ERCC6L2: variants seen among roughly 807,000 people sequenced by gnomAD.
ERCC6L2 encodes ERCC excision repair 6 like 2.
In ERCC6L2, 77 loss-of-function variants were observed where a neutral mutation model predicts 132.0. That is an observed-to-expected ratio of 0.58 (90% CI 0.49 to 0.71). The LOEUF is 0.71. ERCC6L2 is among the 30% of genes least tolerant of loss of function. ERCC6L2 has a pLI of 0.00. For missense variants in ERCC6L2, 1,542 were observed against 1,837.6 expected (o/e 0.84, Z 2.94); for synonymous variants, 583 against 632.4 (o/e 0.92, Z 1.17).
chr9:96,018,741 A>G (rs190412101), downstream of ERCC6L2, among the ~76,000 whole-genome samples: 287 of 149,412 alleles, frequency 1.9e-3, no homozygotes, highest in Non-Finnish European at 2.6e-3. Context: ...TTGTTTTTCT[A>G]TTATATTTCA....
chr9:95,999,536 T>A (rs773378493), intron 17 of ERCC6L2, among the ~76,000 whole-genome samples: 44 of 152,332 alleles, frequency 2.9e-4, no homozygotes, highest in African/African-American at 1.0e-3. Context: ...ATGTGAGCTT[T>A]GCAGTGCTGC....
At chr9:96,027,730 C>G (rs1834400656) in intron 19 of ERCC6L2, 1 of 152,528 alleles carries the variant, frequency 6.6e-6, no homozygotes. Context: ...CTCCAAGGCC[C>G]CCGGCCGCTC....
rs1443724657 is a variant in ERCC6L2, at chr9:96,014,351, A to T, written c.*1148A>T. 1 of 152,246 alleles carries T rather than the reference A, an allele frequency of 6.6e-6. No individual in the cohort carries two copies. Among genetic ancestry groups the T allele is most frequent in the Non-Finnish European group, 1.5e-5 (1 of 68,048 alleles). 9.4% of individuals were successfully genotyped at this position (152,246 alleles called of 1,614,324 possible). A position where few individuals can be genotyped will look rare whatever the true frequency, so the allele number is the denominator to read the frequency against. On this transcript the variant is annotated 3_prime_UTR_variant, in exon 19 of 19. Transcript: ENST00000653738. ...GCTAAAGAGCACTGCTATCAAGTTG[A>T]GGAGAGAGGGCTTCCGTGTACTCAG... is the stretch of plus-strand genomic sequence containing the variant.
At chr9:95,906,436 T>C (rs1829039074) in intron 3 of ERCC6L2, among the ~76,000 whole-genome samples, 1 of 152,042 alleles carries the variant, frequency 6.6e-6, no homozygotes, top group Admixed American at 6.6e-5. Context: ...AGCCACTGTA[T>C]GAGGGGTTTT....
intron 16 of ERCC6L2, among the ~76,000 whole-genome samples, chr9:95,975,014 A>G (rs1203692083): frequency 2.0e-5 from 3 of 152,188 alleles, no homozygotes; most frequent in Non-Finnish European, 2.9e-5. Context: ...GCTTTATCCC[A>G]TATTACACAA....
chr9:96,021,166 C>A (rs1224563947), downstream of ERCC6L2: 3 of 361,118 alleles, frequency 8.3e-6, no homozygotes, highest in Non-Finnish European at 1.6e-5. This position sits in a 1 kb window ranked among gnomAD's most constrained non-coding sequence, Gnocchi z 4.7. Flanking sequence ...TGCGTCCGGG[C>A]AGAGGCGGCT....
intron 15 of ERCC6L2, 109 bp downstream of exon 15, chr9:95,970,765 A>C (rs1832378808): frequency 1.5e-6 from 1 of 681,064 alleles, no homozygotes; most frequent in African/African-American, 1.9e-5. Flanking sequence ...AAAAAAAATT[A>C]AGAGTCAAGG....
intron 3 of ERCC6L2, among the ~76,000 whole-genome samples, chr9:95,898,444 A>G (rs1351228736): frequency 6.6e-6 from 1 of 152,126 alleles, no homozygotes; most frequent in Non-Finnish European, 1.5e-5. Context: ...CCAATATAGG[A>G]AAGTTGGAAT....
chr9:95,943,421 C>G (rs1414653729), intron 12 of ERCC6L2, among the ~76,000 whole-genome samples: 2 of 151,880 alleles, frequency 1.3e-5, no homozygotes, highest in Non-Finnish European at 2.9e-5. Context: ...ATAATAATTA[C>G]CTGGTACAAT....
At chr9:95,960,183 A>G (rs1408685344) in intron 13 of ERCC6L2, among the ~76,000 whole-genome samples, 1 of 152,114 alleles carries the variant, frequency 6.6e-6, no homozygotes, top group Non-Finnish European at 1.5e-5. Flanking sequence ...TGCCCAGAAG[A>G]CTAATTACTT....
At chr9:95,937,275 C>CT (rs1830599806) in intron 11 of ERCC6L2, among the ~76,000 whole-genome samples, 1 of 152,156 alleles carries the variant, frequency 6.6e-6, no homozygotes, top group Non-Finnish European at 1.5e-5. Flanking sequence ...TGCATTTTCA[C>CT]TAACATTTGC....
At chr9:95,951,161 C>T (rs10819650) in intron 12 of ERCC6L2, among the ~76,000 whole-genome samples, 40,768 of 151,782 alleles carry the variant, frequency 0.27, 5,978 homozygotes, top group East Asian at 0.4. Context: ...AAATCAACAG[C>T]GGAAGAAAAA....
Position 96,013,457 on chromosome 9 carries a change from A to T in ERCC6L2, c.*254A>T, listed in dbSNP as rs980905330. On this transcript the variant is annotated 3_prime_UTR_variant, in exon 19 of 19. Coordinates refer to ENST00000653738, the MANE Select transcript of ERCC6L2 (RefSeq NM_020207.7). ...ATTAGAAAAGATTCTAGGTTTGTTAATAGGAGACCTGGGACATCTTTCTTA... is the reference window on the plus strand; with the variant it reads ...ATTAGAAAAGATTCTAGGTTTGTTATTAGGAGACCTGGGACATCTTTCTTA... 9.0e-6 allele frequency: 2 copies of T among 222,684 alleles called. No homozygotes were observed. The highest frequency in any genetic ancestry group is 1.0e-4 in the Admixed American group (2 of 19,116). The allele number at this position is 222,684 out of a possible 1,614,324, so 13.8% of individuals were successfully genotyped here.
rs759206760 is a variant in ERCC6L2 at position 96,012,658 on chromosome 9, G to A, written c.4108G>A (p.Gly1370Arg). 3 of 1,367,588 alleles carry A rather than the reference G, an allele frequency of 2.2e-6. No homozygotes were observed. Among genetic ancestry groups the A allele is most frequent in the East Asian group, 4.5e-5 (1 of 21,990 alleles). The allele number at this position is 1,367,588 out of a possible 1,614,324, so 84.7% of individuals were successfully genotyped here. The change falls in exon 19 of 19, where the codon GGG becomes AGG. Residue 1370 changes from glycine (G) to arginine (R), a missense_variant. Physicochemically the swap from Gly to Arg is moderately radical, Grantham distance 125. This residue lies in a region of ERCC6L2 where 442 missense variants were observed against 583.4 expected (regional missense o/e 0.76). Coordinates refer to ENST00000653738, the MANE Select transcript of ERCC6L2 (RefSeq NM_020207.7). ...TAGTTCTACTCAAGAGATTGACAGT[G>A]GGAAAAACAGCCAGGCATCCGAAGA... is the stretch of plus-strand genomic sequence containing the variant. ...PVSSTQEIDS[G>R]KNSQASEDTV...
intron 11 of ERCC6L2, among the ~76,000 whole-genome samples, chr9:95,934,579 A>G (rs1156922007): frequency 1.3e-5 from 2 of 152,086 alleles, no homozygotes; most frequent in Non-Finnish European, 2.9e-5. Context: ...TTTAAGTGTC[A>G]AAAAGACTCT....
At chr9:95,974,722 T>TTGTGTGTG (rs139478214) in intron 16 of ERCC6L2, among the ~76,000 whole-genome samples, 2,991 of 149,768 alleles carry the variant, frequency 0.02, 82 homozygotes, top group African/African-American at 0.057. Flanking sequence ...GTGGCCAGAT[T>TTGTGTGTG]TGTGTGTGTG....
At position 95,875,858 on chromosome 9, in the gene ERCC6L2, T is replaced by C; in HGVS notation, c.-181T>C. 19 of 629,228 alleles carry C rather than the reference T, an allele frequency of 3.0e-5. No homozygotes were observed. In the South Asian group the frequency reaches 3.5e-4, roughly 12 times the overall value. 39.0% of individuals were successfully genotyped at this position (629,228 alleles called of 1,614,324 possible). ...TCCCGTTCTGCTTGGGTCCCCTTAG[T>C]CGCTACCTTTGCTGGGATCCCCCTC... On this transcript the variant is annotated 5_prime_UTR_variant, in exon 1 of 19. Transcript: ENST00000653738.
rs1268457582 is a variant in ERCC6L2, at chr9:96,012,020, A to G, written c.3675-205A>G. Among the ~76,000 whole-genome samples the G allele has an allele frequency of 2.0e-5, 3 of 152,212 alleles. No individual in the cohort carries two copies. In the East Asian group the frequency reaches 5.8e-4, roughly 29 times the overall value. On this transcript the variant is annotated intron_variant, in intron 18 of 18. Coordinates refer to ENST00000653738, the MANE Select transcript of ERCC6L2 (RefSeq NM_020207.7). ...AACTTACAAAGCTGGTGATTTTGTGAGCTAAAATACTTTTCTCAGTAGCAT... is the reference window on the plus strand; with the variant it reads ...AACTTACAAAGCTGGTGATTTTGTGGGCTAAAATACTTTTCTCAGTAGCAT...
intron 3 of ERCC6L2, 24 bp downstream of exon 3, chr9:95,897,995 TTCTAC>T (rs1333672338): frequency 4.4e-6 from 7 of 1,579,610 alleles, no homozygotes; most frequent in Non-Finnish European, 6.0e-6. Flanking sequence ...ACAATGTATA[TTCTAC>T]TCATGATGCT....
Sources: allele counts gnomAD v4.1 joint callset (sites outside exome capture counted in the v4.1 genomes callset), GRCh38; gene constraint gnomAD v4.1.1; regional missense constraint gnomAD v4.1.1; non-coding constraint Gnocchi (gnomAD v3.1); transcripts MANE v1.5; gene names NCBI Gene and HGNC (gene_info 2026-07-23, HGNC 2026-07-21).